AGBL4: variants seen among roughly 807,000 people sequenced by gnomAD.
The protein encoded by AGBL4 is AGBL carboxypeptidase 4, also known as cytosolic carboxypeptidase 6.
A neutral mutation model predicts 66.4 loss-of-function variants in AGBL4; 58 were observed. The observed-to-expected ratio is 0.87, with a 90% CI of 0.71 to 1.09. The LOEUF is 1.09. Ranked by LOEUF, AGBL4 falls within the 50% of genes least tolerant of loss-of-function variation. AGBL4 has a pLI of 0.00. For synonymous variants in AGBL4, 234 were observed against 222.9 expected, an observed-to-expected ratio of 1.05 and a Z score of -0.44; for missense variants, 579 against 631.0, an observed-to-expected ratio of 0.92 and a Z score of 0.88.
chr1:49,000,762 G>A lies in AGBL4; in HGVS notation c.594+44822C>T, dbSNP rs572771303. Reference sequence around the variant, plus strand: ...GTGTTTATAACCACTGCATATTATAGGATGTGAGCATGGGAAATTTTGGTT... The same window carrying A: ...GTGTTTATAACCACTGCATATTATAAGATGTGAGCATGGGAAATTTTGGTT... On this transcript the variant is annotated intron_variant, in intron 5 of 13. Transcript: ENST00000371839. 1.2e-4 allele frequency among the ~76,000 whole-genome samples: 19 copies of A among 152,240 alleles called. No individual in the cohort carries two copies. In the East Asian group the frequency reaches 3.5e-3, roughly 28 times the overall value.
At chr1:49,309,158 T>C (rs1223061182) in intron 3 of AGBL4, among the ~76,000 whole-genome samples, 2 of 152,144 alleles carry the variant, frequency 1.3e-5, no homozygotes, top group African/African-American at 2.4e-5. Flanking sequence ...CTCAACATTC[T>C]GTGTGACCTT....
chr1:49,644,393 G>A (rs944664163), intron 3 of AGBL4, among the ~76,000 whole-genome samples: 1 of 151,420 alleles, frequency 6.6e-6, no homozygotes, highest in Admixed American at 6.6e-5. Context: ...ATTCAACTAG[G>A]TACTATTTAT....
chr1:49,027,001 T>C (rs779393975), intron 5 of AGBL4, among the ~76,000 whole-genome samples: 1 of 152,168 alleles, frequency 6.6e-6, no homozygotes, highest in Non-Finnish European at 1.5e-5. Flanking sequence ...TTGTGTTTTC[T>C]TGTATTTGTA....
At chr1:49,195,450 C>G (rs966375066) in intron 4 of AGBL4, among the ~76,000 whole-genome samples, 6 of 152,098 alleles carry the variant, frequency 3.9e-5, no homozygotes, top group Non-Finnish European at 8.8e-5. Context: ...GACTAACACT[C>G]TTTTTCTTTT....
At chr1:49,592,518 G>A (rs1032197443) in intron 3 of AGBL4, among the ~76,000 whole-genome samples, 6 of 152,114 alleles carry the variant, frequency 3.9e-5, no homozygotes, top group African/African-American at 1.4e-4. Flanking sequence ...GCAGTGAACC[G>A]AGATCATGCC....
chr1:48,958,613 T>C (rs1408131709), intron 5 of AGBL4, among the ~76,000 whole-genome samples: 1 of 152,220 alleles, frequency 6.6e-6, no homozygotes, highest in Admixed American at 6.5e-5. Flanking sequence ...GTCTCCCACA[T>C]CAGGAGTCCT....
intron 1 of AGBL4, chr1:49,995,560 C>G: frequency 3.3e-6 from 1 of 301,238 alleles, no homozygotes; most frequent in Non-Finnish European, 6.6e-6. Context: ...CTCTCTCTAC[C>G]TGCCCTGGTA....
chr1:48,829,250 G>A (rs1015917022), intron 6 of AGBL4, among the ~76,000 whole-genome samples: 3 of 152,190 alleles, frequency 2.0e-5, no homozygotes, highest in Non-Finnish European at 4.4e-5. Flanking sequence ...AGAAATTAAA[G>A]AACTATACCA....
intron 5 of AGBL4, among the ~76,000 whole-genome samples, chr1:48,912,762 C>G (rs1411789950): frequency 1.3e-5 from 2 of 152,158 alleles, no homozygotes; most frequent in Non-Finnish European, 1.5e-5. Flanking sequence ...CCTCTTCAAC[C>G]TAGTGCCTTC....
intron 2 of AGBL4, among the ~76,000 whole-genome samples, chr1:49,710,623 TA>T (rs901578790): frequency 6.6e-6 from 1 of 151,504 alleles, no homozygotes; most frequent in African/African-American, 2.4e-5. Context: ...TTAAAATTTT[TA>T]AAAAATATAT....
chr1:49,494,174 C>A (rs150279866), intron 3 of AGBL4, among the ~76,000 whole-genome samples: 113 of 152,034 alleles, frequency 7.4e-4, no homozygotes, highest in African/African-American at 2.5e-3. Context: ...CACATTAAAC[C>A]CCCAGTGGTA....
chr1:49,546,996 C>T (rs149043137), intron 3 of AGBL4, among the ~76,000 whole-genome samples: 3,301 of 152,306 alleles, frequency 0.022, 57 homozygotes, highest in Non-Finnish European at 0.036. Flanking sequence ...TGTGCAAAAG[C>T]TCTTTAGTTT....
intron 8 of AGBL4, among the ~76,000 whole-genome samples, chr1:48,636,620 A>G (rs1007140050): frequency 6.6e-6 from 1 of 152,208 alleles, no homozygotes; most frequent in Non-Finnish European, 1.5e-5. Flanking sequence ...GAAACATTCA[A>G]TGCTGTGACT....
intron 2 of AGBL4, among the ~76,000 whole-genome samples, chr1:49,823,562 T>C (rs1178315627): frequency 6.6e-6 from 1 of 152,112 alleles, no homozygotes; most frequent in Non-Finnish European, 1.5e-5. Context: ...TCAGCTACCT[T>C]TGGACCTCAA....
intron 6 of AGBL4, among the ~76,000 whole-genome samples, chr1:48,732,650 G>A (rs1648330673): frequency 6.6e-6 from 1 of 152,106 alleles, no homozygotes; most frequent in African/African-American, 2.4e-5. Context: ...CCTGGAAGAA[G>A]GCCTCCAGGG....
At chr1:48,856,377 C>G (rs141040424) in intron 6 of AGBL4, among the ~76,000 whole-genome samples, 1 of 152,120 alleles carries the variant, frequency 6.6e-6, no homozygotes, top group African/African-American at 2.4e-5. Context: ...AAATAGAATT[C>G]GATTTTGTAT....
chr1:49,979,814 G>C (rs1658913305), intron 1 of AGBL4, among the ~76,000 whole-genome samples: 1 of 152,118 alleles, frequency 6.6e-6, no homozygotes, highest in Admixed American at 6.5e-5. Context: ...AGTGATGCTG[G>C]AAGTGCTCCC....
At chr1:49,715,563 T>G (rs1436188080) in intron 2 of AGBL4, among the ~76,000 whole-genome samples, 1 of 152,218 alleles carries the variant, frequency 6.6e-6, no homozygotes, top group Non-Finnish European at 1.5e-5. Context: ...ATGGTTGAAC[T>G]AATTTACACT....
At chr1:49,869,075 A>T (rs1364639218) in intron 1 of AGBL4, among the ~76,000 whole-genome samples, 2 of 152,316 alleles carry the variant, frequency 1.3e-5, no homozygotes. Context: ...CAGAATGGTG[A>T]TTATTAAAAA....
Sources: gnomAD v4.1 joint callset for allele counts (sites outside exome capture counted in the v4.1 genomes callset) on GRCh38, gnomAD v4.1.1 for gene constraint, MANE v1.5 for transcripts, NCBI Gene and HGNC (gene_info 2026-07-23, HGNC 2026-07-21) for gene names.